ARHGAP25: variants seen among roughly 807,000 people sequenced by gnomAD.
The protein encoded by ARHGAP25 is rho GTPase-activating protein 25.
Under a neutral mutation model 71.0 loss-of-function variants are expected in ARHGAP25, and 34 were observed. The ratio of observed to expected loss-of-function variants is 0.48; its 90% confidence interval spans 0.36 to 0.64. ARHGAP25 has a LOEUF of 0.64. Among genes scored for constraint, ARHGAP25 ranks in the 30% least tolerant of loss-of-function variants. The pLI, the probability that ARHGAP25 is intolerant of heterozygous loss-of-function variation, is 0.00. For missense variants in ARHGAP25, 706 were observed against 805.1 expected (o/e 0.88, Z 1.49); for synonymous variants, 282 against 296.5 (o/e 0.95, Z 0.50).
At chr2:68,753,074 T>C (rs1676270219) in intron 1 of ARHGAP25, among the ~76,000 whole-genome samples, 1 of 133,944 alleles carries the variant, frequency 7.5e-6, no homozygotes, top group African/African-American at 2.6e-5. Flanking sequence ...CCACTTGGGG[T>C]GGATGGGGGG....
chr2:68,728,775 A>C (rs575624359), intron 2 of ARHGAP25, among the ~76,000 whole-genome samples: 1 of 152,196 alleles, frequency 6.6e-6, no homozygotes, highest in African/African-American at 2.4e-5. Context: ...TAAATAAATA[A>C]AATTTAAAAA....
chr2:68,760,041 A>G (rs749665329), intron 1 of ARHGAP25, among the ~76,000 whole-genome samples: 2 of 152,096 alleles, frequency 1.3e-5, no homozygotes, highest in Admixed American at 6.5e-5. Flanking sequence ...ACGTAGAAGA[A>G]TCAGTCAATT....
At position 68,735,238 on chromosome 2, in the gene ARHGAP25, G is replaced by A. The variant is rs1355653782; in HGVS notation, c.39G>A (p.Leu13=). ...LKLPRNWDFN[L]KVEAAKIARS... ...TGCCAAGGAACTGGGATTTCAACCT[G>A]AAAGTGGAGGCTGCGAAAATAGGTA... The change falls in exon 1 of 11, where the codon CTG becomes CTA. Residue 13 remains leucine (L), a synonymous_variant. Transcript: ENST00000409202. The A allele has an allele frequency of 1.9e-6, 3 of 1,614,182 alleles. No individual in the cohort carries two copies. In the East Asian group the frequency reaches 6.7e-5, roughly 36 times the overall value.
intron 9 of ARHGAP25, 151 bp downstream of exon 9, chr2:68,819,470 T>A (rs372036911): frequency 1.3e-6 from 1 of 798,654 alleles, no homozygotes; most frequent in Non-Finnish European, 2.1e-6. Flanking sequence ...TGAACACACC[T>A]TGAAAGCCTG....
chr2:68,765,041 C>T (rs916533571), intron 1 of ARHGAP25, among the ~76,000 whole-genome samples: 3 of 152,108 alleles, frequency 2.0e-5, no homozygotes, highest in African/African-American at 4.8e-5. Context: ...TCCTGAGTTC[C>T]CTCACAGACC....
intron 1 of ARHGAP25, among the ~76,000 whole-genome samples, chr2:68,759,320 ATTTACAAGCC>A (rs1260988094): frequency 6.6e-6 from 1 of 151,782 alleles, no homozygotes; most frequent in African/African-American, 2.4e-5. Context: ...GGTCGACAAA[ATTTACAAGCC>A]TTTTGGTAGA....
intron 1 of ARHGAP25, chr2:68,774,816 G>T: frequency 9.0e-7 from 1 of 1,115,290 alleles, no homozygotes; most frequent in Non-Finnish European, 1.1e-6. Flanking sequence ...CCTTCAGAGT[G>T]AGGCATTATT....
chr2:68,742,782 A>C (rs1402325421), intron 1 of ARHGAP25, among the ~76,000 whole-genome samples: 1 of 152,160 alleles, frequency 6.6e-6, no homozygotes, highest in African/African-American at 2.4e-5. Context: ...ACATCTGCAG[A>C]TATCTCCTTT....
intron 1 of ARHGAP25, among the ~76,000 whole-genome samples, chr2:68,772,785 T>C (rs2104368246): frequency 6.6e-6 from 1 of 152,336 alleles, no homozygotes; most frequent in South Asian, 2.1e-4. Flanking sequence ...TAATTACAGA[T>C]AGAAGGCCTT....
At chr2:68,746,892 C>T (rs1435859728) in intron 1 of ARHGAP25, among the ~76,000 whole-genome samples, 1 of 151,720 alleles carries the variant, frequency 6.6e-6, no homozygotes, top group East Asian at 1.9e-4. Context: ...CCTGTAATCC[C>T]ACCTACTCGG....
intron 9 of ARHGAP25, chr2:68,819,546 C>T (rs1261868791): frequency 4.4e-6 from 3 of 683,774 alleles, no homozygotes; most frequent in Non-Finnish European, 8.0e-6. Flanking sequence ...GTGCCAATCA[C>T]CCAGTGACTG....
In ARHGAP25 at chr2:68,822,452, G is replaced by A. The variant is rs1379008138; in HGVS notation, c.1313G>A (p.Arg438His). The change falls in exon 10 of 11, where the codon CGT (arginine) becomes CAT (histidine). Residue 438 changes from arginine (R) to histidine (H), a missense_variant. Arg to His is a conservative substitution (Grantham distance 29). Coordinates refer to ENST00000409202, the MANE Select transcript of ARHGAP25 (RefSeq NM_001007231.3). ...EKPGDWKMQS[R>H]KRTQTLPNRK... ...CCAGGAGACTGGAAAATGCAATCTC[G>A]TAAAAGGACTCAAACACTCCCTAAC... The A allele has an allele frequency of 9.9e-6, 16 of 1,614,162 alleles. No individual in the cohort carries two copies. The highest frequency in any genetic ancestry group is 4.5e-5 in the East Asian group (2 of 44,890).
rs562679438 is a variant in ARHGAP25, at chr2:68,727,183, G to C, written c.-18+16485G>C. Among the ~76,000 whole-genome samples, 83 of 152,186 alleles carry C rather than the reference G, an allele frequency of 5.5e-4. 1 individual carries two copies. In the South Asian group the frequency reaches 0.017, roughly 32 times the overall value. On this transcript the variant is annotated intron_variant and NMD_transcript_variant, in intron 2 of 7. Transcript: ENST00000463483. The stretch of plus-strand genomic sequence containing the variant: ...TACTGGTTGAGTGCGTCTGCAACAC[G>C]GGGGCCCACGTTCAAATGCCTGCAC...
chr2:68,731,786 C>T (rs140963437), upstream of ARHGAP25, among the ~76,000 whole-genome samples: 1 of 151,888 alleles, frequency 6.6e-6, no homozygotes, highest in African/African-American at 2.4e-5. Context: ...CTTCACTCCC[C>T]AAGTCCAGTT....
chr2:68,754,891 C>T (rs1057213655), intron 1 of ARHGAP25, among the ~76,000 whole-genome samples: 1 of 151,934 alleles, frequency 6.6e-6, no homozygotes, highest in African/African-American at 2.4e-5. Context: ...AAATTTTGCT[C>T]ATTAAAAAAT....
intron 5 of ARHGAP25, among the ~76,000 whole-genome samples, chr2:68,810,627 T>C (rs989403948): frequency 1.3e-5 from 2 of 152,210 alleles, no homozygotes; most frequent in Admixed American, 1.3e-4. Flanking sequence ...TGATGGATGC[T>C]TTTGCTGTCT....
intron 1 of ARHGAP25, among the ~76,000 whole-genome samples, chr2:68,739,879 CT>C (rs1473947421): frequency 1.3e-5 from 2 of 152,064 alleles, no homozygotes; most frequent in Admixed American, 6.5e-5. Flanking sequence ...TCTTTGAAAG[CT>C]TGTTTAAAAA....
chr2:68,752,874 G>C (rs1487667968), intron 1 of ARHGAP25, among the ~76,000 whole-genome samples: 9 of 150,620 alleles, frequency 6.0e-5, no homozygotes, highest in Non-Finnish European at 3.0e-5. Context: ...TATATACAAA[G>C]AGAGAGAGAG....
chr2:68,712,337 C>A (rs7581845), intron 2 of ARHGAP25, among the ~76,000 whole-genome samples: 1 of 152,130 alleles, frequency 6.6e-6, no homozygotes, highest in Non-Finnish European at 1.5e-5. Context: ...CTGTTCATAT[C>A]CTTCACCCAC....
Sources: allele counts gnomAD v4.1 joint callset (sites outside exome capture counted in the v4.1 genomes callset), GRCh38; gene constraint gnomAD v4.1.1; transcripts MANE v1.5; gene names NCBI Gene and HGNC (gene_info 2026-07-23, HGNC 2026-07-21).